Variants in CABYR observed in about 807,000 individuals in gnomAD.
The protein encoded by CABYR is calcium-binding tyrosine phosphorylation-regulated protein.
In CABYR, 31 loss-of-function variants were observed where a neutral mutation model predicts 36.1. The ratio of observed to expected loss-of-function variants is 0.86; its 90% CI spans 0.64 to 1.16. The LOEUF is 1.16. CABYR is among the 50% of genes most tolerant of loss of function. The probability of loss-of-function intolerance (pLI) is 0.00; values close to 1 mark genes in which losing one functional copy is unlikely to be tolerated. For missense variants in CABYR, 429 were observed against 455.8 expected, an observed-to-expected ratio of 0.94 and a Z score of 0.53; for synonymous variants, 146 against 160.7, an observed-to-expected ratio of 0.91 and a Z score of 0.69.
chr18:24,141,786 T>C (rs2085327355), intron 1 of CABYR, among the ~76,000 whole-genome samples: 1 of 152,040 alleles, frequency 6.6e-6, no homozygotes, highest in South Asian at 2.1e-4. Context: ...GAATTACAGG[T>C]TGGTCTGTGC....
rs2145883381 is a variant in CABYR, at chr18:24,157,264, TCAA to T, written c.541+1228_541+1230del. On this transcript the variant is annotated intron_variant, in intron 4 of 5. Coordinates refer to ENST00000399496, the MANE Select transcript of CABYR (RefSeq NM_153769.3). The stretch of plus-strand genomic sequence containing the variant: ...TTATTCTTTTGGACATATTATGTAG[TCAA>T]CAACAGTATAGCCTGTTGTCAGGTA... 2.0e-5 allele frequency among the ~76,000 whole-genome samples: 3 copies of T among 152,338 alleles called. No individual in the cohort carries two copies. In the East Asian group the frequency reaches 5.8e-4, roughly 29 times the overall value.
chr18:24,158,850 A>G (rs1396805046), intron 4 of CABYR, among the ~76,000 whole-genome samples: 1 of 152,062 alleles, frequency 6.6e-6, no homozygotes, highest in Non-Finnish European at 1.5e-5. Flanking sequence ...TCTCAACCCA[A>G]AGAATCCCTG....
rs1310443934 is a variant in CABYR, at chr18:24,161,521, G to A, written c.*5G>A. 1.3e-6 allele frequency: 1 copy of A among 780,706 alleles called. No homozygotes were observed. Among genetic ancestry groups the A allele is most frequent in the Admixed American group, 1.7e-5 (1 of 59,006 alleles). The allele number at this position is 780,706 out of a possible 1,614,324, so 48.4% of individuals were successfully genotyped here. On this transcript the variant is annotated 3_prime_UTR_variant, in exon 6 of 6. Transcript: ENST00000399496. ...GTTTGCATTATTCCTAACAGATCCA[G>A]AAATGACGCTGTCTGGGTCAACATT... is the stretch of plus-strand genomic sequence containing the variant.
chr18:24,153,831 C>CG (rs2085700017), intron 3 of CABYR, among the ~76,000 whole-genome samples: 1 of 151,952 alleles, frequency 6.6e-6, no homozygotes, highest in South Asian at 2.1e-4. Flanking sequence ...CGGCTGGGTG[C>CG]GGTGGCTCAA....
Position 24,149,001 on chromosome 18 carries a change from C to A in CABYR, c.199+5588C>A, listed in dbSNP as rs563008233. ...CTTATCTGGCCCCACCCACATCCTG[C>A]TGATTGGTAGAGCGGAGTAGTCTGT... is the stretch of plus-strand genomic sequence containing the variant. On this transcript the variant is annotated intron_variant, in intron 3 of 5. Coordinates refer to ENST00000399496, the MANE Select transcript of CABYR (RefSeq NM_153769.3). Among the ~76,000 whole-genome samples, 10 of 152,272 alleles carry A rather than the reference C, an allele frequency of 6.6e-5. No individual in the cohort carries two copies. In the South Asian group the frequency reaches 2.1e-3, roughly 32 times the overall value.
chr18:24,157,122 T>C (rs2085811324), intron 4 of CABYR: 2 of 693,336 alleles, frequency 2.9e-6, no homozygotes, highest in African/African-American at 3.6e-5. Context: ...TTTTTTTAAA[T>C]GCCAAAGCCA....
rs201328192 is a variant in CABYR, at chr18:24,142,686, C to T, written c.-24-405C>T. On this transcript the variant is annotated intron_variant, in intron 1 of 5. Coordinates refer to ENST00000399496, the MANE Select transcript of CABYR (RefSeq NM_153769.3). ...TACCATCAAGAATTAGCCCATTTTACTAAAATGAATACCTACATATTAGAA... is the reference window on the plus strand; with the variant it reads ...TACCATCAAGAATTAGCCCATTTTATTAAAATGAATACCTACATATTAGAA... Among the ~76,000 whole-genome samples, 86 of 151,090 alleles carry T rather than the reference C, an allele frequency of 5.7e-4. No individual in the cohort carries two copies. The East Asian group carries it at 0.015, about 26-fold the overall frequency.
chr18:24,159,393 A>G (rs2085885351), intron 4 of CABYR, 79 bp from the exon 5 acceptor site: 1 of 943,056 alleles, frequency 1.1e-6, no homozygotes, highest in Admixed American at 2.1e-5. Flanking sequence ...TATGTAAAAG[A>G]GACTTACAAA....
At chr18:24,159,419 A>G (rs1599401392) in intron 4 of CABYR, 53 bp from the exon 5 acceptor site, 5 of 1,209,374 alleles carry the variant, frequency 4.1e-6, no homozygotes, top group East Asian at 2.3e-5. Context: ...TACTATGCAT[A>G]GTGCCTGATA....
At chr18:24,147,938 TTAATAA>T (rs960163397) in intron 3 of CABYR, among the ~76,000 whole-genome samples, 4 of 152,164 alleles carry the variant, frequency 2.6e-5, no homozygotes, top group African/African-American at 9.7e-5. Context: ...CTAATATAAT[TTAATAA>T]TAAGTATCAC....
At chr18:24,142,181 G>C (rs1301146045) in intron 1 of CABYR, among the ~76,000 whole-genome samples, 1 of 151,916 alleles carries the variant, frequency 6.6e-6, no homozygotes, top group Non-Finnish European at 1.5e-5. Flanking sequence ...TTAGCCGGGC[G>C]TGGTGGCCAG....
chr18:24,146,631 T>A (rs2085465777), intron 3 of CABYR, among the ~76,000 whole-genome samples: 4 of 151,964 alleles, frequency 2.6e-5, no homozygotes, highest in Admixed American at 2.6e-4. Flanking sequence ...ATTTTCCCAC[T>A]CTGAAAGACA....
chr18:24,160,168 T>C lies in CABYR; in HGVS notation c.1139+99T>C, dbSNP rs921976940. On this transcript the variant is annotated intron_variant, in intron 5 of 5. Transcript: ENST00000399496. ...GGAGATTTAGATATTTAAAAACAAT[T>C]TGAGATAATAAGTTGGGGTATACTC... The C allele has an allele frequency of 2.1e-5, 19 of 900,846 alleles. No individual in the cohort carries two copies. The East Asian group carries it at 3.6e-4, about 17-fold the overall frequency. The allele number at this position is 900,846 out of a possible 1,614,324, so 55.8% of individuals were successfully genotyped here. A position where few individuals can be genotyped will look rare whatever the true frequency, so the allele number is the denominator to read the frequency against.
At position 24,145,483 on chromosome 18, in the gene CABYR, G is replaced by A. The variant is rs1599374755; in HGVS notation, c.199+2070G>A. 2.6e-5 allele frequency among the ~76,000 whole-genome samples: 4 copies of A among 152,318 alleles called. No individual in the cohort carries two copies. The South Asian group carries it at 8.3e-4, about 32-fold the overall frequency. ...AAGCAGTGAGTGAAATCTAGGGAGA[G>A]GTGACAGAGGAGCAGAATTTGAGTC... On this transcript the variant is annotated intron_variant, in intron 3 of 5. Transcript: ENST00000399496.
chr18:24,150,569 A>T, intron 3 of CABYR: 2 of 984,230 alleles, frequency 2.0e-6, no homozygotes, highest in Non-Finnish European at 2.4e-6. Context: ...GAATGAAGAA[A>T]GAATGGATGG....
intron 3 of CABYR, among the ~76,000 whole-genome samples, chr18:24,144,490 G>A (rs1599373212): frequency 6.6e-6 from 1 of 152,288 alleles, no homozygotes; most frequent in East Asian, 1.9e-4. Flanking sequence ...AGGGCAGGGC[G>A]TGATGGCTCA....
At chr18:24,141,474 A>C (rs1599367833) in intron 1 of CABYR, among the ~76,000 whole-genome samples, 1 of 152,148 alleles carries the variant, frequency 6.6e-6, no homozygotes, top group African/African-American at 2.4e-5. Context: ...GTTCTCCCAT[A>C]CAACTGATGT....
chr18:24,155,998 C>T lies in CABYR; in HGVS notation c.497C>T (p.Ala166Val). 2.5e-6 allele frequency: 4 copies of T among 1,614,214 alleles called. No individual in the cohort carries two copies. The highest frequency in any genetic ancestry group is 2.2e-5 in the South Asian group (2 of 91,088). The change falls in exon 4 of 6, where the codon GCC (alanine) becomes GTC (valine). Residue 166 changes from alanine to valine, a missense_variant. Ala to Val is a moderately conservative substitution (Grantham distance 64). Transcript: ENST00000399496. ...CCAACAGCTGTCTCACCAGAGTTTG[C>T]CTACGTCCCAGCTGACCCAGCTCAG... ...PPPTAVSPEF[A>V]YVPADPAQLA...
intron 3 of CABYR, among the ~76,000 whole-genome samples, chr18:24,147,252 C>CAAAAAA (rs5823414): frequency 4.1e-5 from 4 of 96,426 alleles, no homozygotes; most frequent in African/African-American, 1.8e-4. Context: ...AACCATGTCT[C>CAAAAAA]AAAAAAAAAA....
Sources: gnomAD v4.1 joint callset for allele counts (sites outside exome capture counted in the v4.1 genomes callset) on GRCh38, gnomAD v4.1.1 for gene constraint, MANE v1.5 for transcripts, NCBI Gene and HGNC (gene_info 2026-07-23, HGNC 2026-07-21) for gene names.